PTRH1: variants seen among roughly 807,000 people sequenced by gnomAD.
PTRH1 encodes the protein peptidyl-tRNA hydrolase 1 homolog.
PTRH1 carries 13 observed loss-of-function variants against 15.7 expected under a neutral mutation model. The observed-to-expected ratio is 0.83, with a 90% CI of 0.54 to 1.31. The LOEUF is 1.31. Ranked by LOEUF, PTRH1 falls within the 40% of genes most tolerant of loss-of-function variation. The probability of loss-of-function intolerance (pLI) is 0.00; values close to 1 mark genes in which losing one functional copy is unlikely to be tolerated. For missense variants in PTRH1, 319 were observed against 296.2 expected (o/e 1.08, Z -0.56); for synonymous variants, 139 against 136.7 (o/e 1.02, Z -0.12).
chr9:127,707,091 G>C (rs777693958), intron 1 of PTRH1: 1 of 1,613,952 alleles, frequency 6.2e-7, no homozygotes, highest in Non-Finnish European at 8.5e-7. Flanking sequence ...AGAAGAAAGG[G>C]GGCAAGAAGG....
intron 2 of PTRH1, chr9:127,694,800 C>T: frequency 3.4e-6 from 2 of 588,068 alleles, no homozygotes; most frequent in South Asian, 2.2e-5. Context: ...TTTGGAATTC[C>T]CTGCTCCTCC....
chr9:127,715,255 G>C lies in PTRH1; in HGVS notation c.97-61C>G. The stretch of plus-strand genomic sequence containing the variant: ...CTCTCGCCACCCCCGATCTCACAGC[G>C]TCCCGTGGGCCCCAACGCAGAGGAG... On this transcript the variant is annotated intron_variant, in intron 1 of 4. Coordinates refer to ENST00000543175, the MANE Select transcript of PTRH1 (RefSeq NM_001002913.3). The surrounding 1 kb of genome is among the most constrained non-coding windows in gnomAD (Gnocchi z 5.8). 6.7e-7 allele frequency: 1 copy of C among 1,487,220 alleles called. No homozygotes were observed. The highest frequency in any genetic ancestry group is 9.1e-7 in the Non-Finnish European group (1 of 1,102,786). 92.1% of individuals were successfully genotyped at this position (1,487,220 alleles called of 1,614,324 possible).
At chr9:127,713,050 G>A (rs1404927979), downstream of PTRH1, 2 of 1,613,714 alleles carry the variant, frequency 1.2e-6, no homozygotes, top group African/African-American at 1.3e-5. Flanking sequence ...CCAGGACTGG[G>A]TCTCTGCTGC....
chr9:127,698,212 C>T (rs961574198), intron 1 of PTRH1, among the ~76,000 whole-genome samples: 1 of 152,116 alleles, frequency 6.6e-6, no homozygotes, highest in Admixed American at 6.6e-5. Flanking sequence ...CAAAGCAACA[C>T]AGCAAGACCC....
downstream of PTRH1, chr9:127,713,400 GA>G (rs1398734373): frequency 1.9e-6 from 1 of 515,602 alleles, no homozygotes; most frequent in Non-Finnish European, 3.3e-6. Context: ...CATGCCCTGG[GA>G]GGGGGGTTGG....
At chr9:127,704,389 TC>T (rs1207269780) in intron 1 of PTRH1, among the ~76,000 whole-genome samples, 4 of 149,364 alleles carry the variant, frequency 2.7e-5, no homozygotes, top group Admixed American at 2.0e-4. Flanking sequence ...GTGCGTGTAG[TC>T]CCCAGCTACT....
chr9:127,697,736 C>T (rs1842572943), intron 1 of PTRH1, among the ~76,000 whole-genome samples: 1 of 152,190 alleles, frequency 6.6e-6, no homozygotes. Flanking sequence ...CCGTGGCAGA[C>T]TATGTGGAAG....
chr9:127,712,618 C>T (rs58229174), downstream of PTRH1: 11,485 of 1,604,730 alleles, frequency 7.2e-3, 744 homozygotes, highest in African/African-American at 0.13. Flanking sequence ...GGGAAAACTT[C>T]GTGGAAATGG....
chr9:127,708,191 T>C (rs997661173), intron 1 of PTRH1, among the ~76,000 whole-genome samples: 1 of 152,138 alleles, frequency 6.6e-6, no homozygotes, highest in Non-Finnish European at 1.5e-5. Context: ...GTAAAACAAC[T>C]TTCCAGGCCA....
Position 127,702,394 on chromosome 9 carries a change from G to A in PTRH1, c.206-7253C>T, listed in dbSNP as rs528345099. On this transcript the variant is annotated intron_variant, in intron 1 of 2. Transcript: ENST00000335223. Reference sequence around the variant, plus strand: ...TCTCCAAAAAAAAAAAAAAAAAGCCGGAGGTGGTGCATGCACCTGTAGTCC... The same window carrying A: ...TCTCCAAAAAAAAAAAAAAAAAGCCAGAGGTGGTGCATGCACCTGTAGTCC... Among the ~76,000 whole-genome samples the A allele has an allele frequency of 2.1e-4, 32 of 150,354 alleles. No individual in the cohort carries two copies. The East Asian group carries it at 5.1e-3, about 24-fold the overall frequency.
chr9:127,699,364 G>C (rs1298618789), intron 1 of PTRH1, among the ~76,000 whole-genome samples: 1 of 152,354 alleles, frequency 6.6e-6, no homozygotes, highest in East Asian at 1.9e-4. Context: ...CAAGGAAAAG[G>C]CCGACACCCA....
chr9:127,711,530 C>T, downstream of PTRH1: 1 of 1,597,292 alleles, frequency 6.3e-7, no homozygotes. Context: ...GGGCATTTGG[C>T]ATGCAAGGCA....
chr9:127,711,568 G>T (rs1842765795), downstream of PTRH1: 3 of 1,551,222 alleles, frequency 1.9e-6, 1 homozygote, highest in South Asian at 2.4e-5. Context: ...CCCTGCAGGG[G>T]TAGAGTCAGG....
At chr9:127,711,715 A>G (rs988560089), downstream of PTRH1, 1 of 1,329,286 alleles carries the variant, frequency 7.5e-7, no homozygotes, top group Non-Finnish European at 1.0e-6. Flanking sequence ...CCAGCCCTGG[A>G]GAGCTCACTG....
chr9:127,702,257 C>T (rs1196804054), intron 1 of PTRH1, among the ~76,000 whole-genome samples: 1 of 151,604 alleles, frequency 6.6e-6, no homozygotes, highest in Non-Finnish European at 1.5e-5. Flanking sequence ...CCTGTAGTCC[C>T]AGCTACTCGG....
Position 127,695,085 on chromosome 9 carries a change from GA to G in PTRH1, c.261del (p.His88IlefsTer13). 1 of 702,424 alleles carries G rather than the reference GA, an allele frequency of 1.4e-6. No homozygotes were observed. The highest frequency in any genetic ancestry group is 1.7e-5 in the African/African-American group (1 of 57,228). 43.5% of individuals were successfully genotyped at this position (702,424 alleles called of 1,614,324 possible). A position where few individuals can be genotyped will look rare whatever the true frequency, so the allele number is the denominator to read the frequency against. ...TGATGATGATGATGATGATGATGAT[GA>G]TGATGATGGTGATGATGATGATGCT... On this transcript the variant is annotated frameshift_variant, in exon 2 of 3. Coordinates refer to the PTRH1 transcript ENST00000335223. LOFTEE classifies it high-confidence loss of function.
intron 1 of PTRH1, chr9:127,706,906 C>G: frequency 1.7e-6 from 2 of 1,168,988 alleles, no homozygotes; most frequent in South Asian, 3.1e-5. Flanking sequence ...CGGCACCCAG[C>G]AAGAAGAGGG....
chr9:127,695,123 CGAT>C (rs1564361280), exon 2 of PTRH1: 4 of 701,284 alleles, frequency 5.7e-6, no homozygotes, highest in African/African-American at 5.3e-5. Context: ...CTGCTGTTGA[CGAT>C]GAGTCCAAGC....
rs560160361 is a variant in PTRH1, at chr9:127,695,713, C to T, written c.206-572G>A. On this transcript the variant is annotated intron_variant, in intron 1 of 2. Transcript: ENST00000335223. ...AAGCAGGGAGTCCTCTTCTTCTTCCCCCGACCCCTTCTTTTAAAACAGTTT... is the reference window on the plus strand; with the variant it reads ...AAGCAGGGAGTCCTCTTCTTCTTCCTCCGACCCCTTCTTTTAAAACAGTTT... 3.3e-5 allele frequency: 5 copies of T among 150,816 alleles called. No homozygotes were observed. In the East Asian group the frequency reaches 7.7e-4, roughly 23 times the overall value. The allele number at this position is 150,816 out of a possible 1,614,324, so 9.3% of individuals were successfully genotyped here.
Sources: allele counts gnomAD v4.1 joint callset (sites outside exome capture counted in the v4.1 genomes callset), GRCh38; gene constraint gnomAD v4.1.1; non-coding constraint Gnocchi (gnomAD v3.1); transcripts MANE v1.5; gene names NCBI Gene and HGNC (gene_info 2026-07-23, HGNC 2026-07-21).